TCAIM: variants seen among roughly 807,000 people sequenced by gnomAD.
TCAIM encodes T-cell activation inhibitor, mitochondrial.
A neutral mutation model predicts 58.6 loss-of-function variants in TCAIM; 36 were observed. The observed-to-expected ratio is 0.61, with a 90% CI of 0.47 to 0.81. The LOEUF is 0.81. Ranked by LOEUF, TCAIM falls within the 30% of genes least tolerant of loss-of-function variation. TCAIM has a pLI of 0.00. For missense variants in TCAIM, 466 were observed against 579.6 expected, an observed-to-expected ratio of 0.80 and a Z score of 2.01; for synonymous variants, 172 against 193.6, an observed-to-expected ratio of 0.89 and a Z score of 0.93.
intron 5 of TCAIM, 64 bp from the exon 6 acceptor site, chr3:44,392,791 T>C: frequency 6.7e-7 from 1 of 1,481,976 alleles, no homozygotes; most frequent in Non-Finnish European, 9.1e-7. Context: ...TGCATGTGTC[T>C]TTTAATAGTA....
chr3:44,388,976 A>G (rs749471982), intron 5 of TCAIM, among the ~76,000 whole-genome samples: 2 of 152,252 alleles, frequency 1.3e-5, no homozygotes, highest in African/African-American at 4.8e-5. Context: ...GGCCAGAGCC[A>G]GGAAACATGT....
At chr3:44,348,229 A>T (rs1701010632) in intron 1 of TCAIM, among the ~76,000 whole-genome samples, 1 of 152,182 alleles carries the variant, frequency 6.6e-6, no homozygotes, top group Non-Finnish European at 1.5e-5. Flanking sequence ...GAGTTACCCA[A>T]AGTGTCTGTG....
intron 5 of TCAIM, among the ~76,000 whole-genome samples, chr3:44,378,046 A>G (rs1701593936): frequency 6.6e-6 from 1 of 152,190 alleles, no homozygotes; most frequent in Admixed American, 6.5e-5. Flanking sequence ...CAAACTATAT[A>G]TCTGACAAAG....
At chr3:44,370,735 T>C (rs1200472495) in intron 5 of TCAIM, among the ~76,000 whole-genome samples, 1 of 65,540 alleles carries the variant, frequency 1.5e-5, no homozygotes, top group Non-Finnish European at 3.4e-5. Context: ...TTTTAATTTC[T>C]TTCTTTCTTT....
intron 5 of TCAIM, among the ~76,000 whole-genome samples, chr3:44,368,563 A>G (rs1559569181): frequency 6.6e-6 from 1 of 152,214 alleles, no homozygotes; most frequent in African/African-American, 2.4e-5. Context: ...GTATGTACCT[A>G]CGTGTGATAG....
Position 44,359,999 on chromosome 3 carries a change from T to G in TCAIM, c.166-1366T>G, listed in dbSNP as rs575195589. 5.9e-5 allele frequency among the ~76,000 whole-genome samples: 9 copies of G among 152,318 alleles called. 2 individuals are homozygous for G. The highest frequency in any genetic ancestry group is 5.9e-4 in the Admixed American group (9 of 15,294). On this transcript the variant is annotated intron_variant, in intron 3 of 10. Transcript: ENST00000342649. ...TGCTGCCTCTGTTTAGAGCATCCTT[T>G]TCCCAGATATCCCAGATATGGCTTG...
In TCAIM at chr3:44,407,581, C is replaced by T. The variant is rs374029550; in HGVS notation, c.1390C>T (p.Leu464=). ...KRLLEQSLPY[L]HGMHLCISHF... is the part of the protein sequence containing the mutation. Reference sequence around the variant, plus strand: ...ACTTCTAGAACAATCACTGCCTTACCTACATGGGATGCACCTCTGCATTTC... The same window carrying T: ...ACTTCTAGAACAATCACTGCCTTACTTACATGGGATGCACCTCTGCATTTC... Residue 464 remains leucine (L), a synonymous_variant, in exon 11 of 11, where the codon CTA becomes TTA. Coordinates refer to ENST00000342649, the MANE Select transcript of TCAIM (RefSeq NM_173826.4). The T allele has an allele frequency of 4.3e-6, 7 of 1,613,974 alleles. No homozygotes were observed. The highest frequency in any genetic ancestry group is 5.9e-6 in the Non-Finnish European group (7 of 1,179,948).
Position 44,401,297 on chromosome 3 carries a change from G to A in TCAIM, c.1213G>A (p.Ala405Thr), listed in dbSNP as rs1377732335. The A allele has an allele frequency of 6.2e-7, 1 of 1,613,954 alleles. No homozygotes were observed. The highest frequency in any genetic ancestry group is 1.7e-5 in the Admixed American group (1 of 59,970). ...ANLQWFILTK[A>T]QQARENMKRK... ...TCTCCAGTGGTTTATTCTCACCAAA[G>A]CTCAGCAGGCAAGAGAGAACATGAA... Residue 405 changes from alanine (A) to threonine (T), a missense_variant, in exon 10 of 11, where the codon GCT becomes ACT. Transcript: ENST00000342649.
chr3:44,379,189 A>T (rs1315378381), intron 5 of TCAIM, among the ~76,000 whole-genome samples: 1 of 148,868 alleles, frequency 6.7e-6, no homozygotes, highest in African/African-American at 2.4e-5. Flanking sequence ...CCCTGTCTCA[A>T]AAAAAAAAAA....
intron 4 of TCAIM, among the ~76,000 whole-genome samples, chr3:44,364,702 C>T (rs1267040546): frequency 6.7e-6 from 1 of 150,106 alleles, no homozygotes; most frequent in East Asian, 1.9e-4. Context: ...AGATGGCAGG[C>T]ACCACTGCAC....
rs1323017048 is a variant in TCAIM, at chr3:44,407,805, A to C, written c.*123A>C. 9.2e-7 allele frequency: 1 copy of C among 1,085,296 alleles called. No homozygotes were observed. The highest frequency in any genetic ancestry group is 3.5e-5 in the Admixed American group (1 of 28,398). The allele number at this position is 1,085,296 out of a possible 1,614,324, so 67.2% of individuals were successfully genotyped here. A position where few individuals can be genotyped will look rare whatever the true frequency, so the allele number is the denominator to read the frequency against. ...AACAAAGTTTCTAACTGCTGCTTTAAAAGTAGACTTTTTTAAAAAAATTAA... is the reference window on the plus strand; with the variant it reads ...AACAAAGTTTCTAACTGCTGCTTTACAAGTAGACTTTTTTAAAAAAATTAA... On this transcript the variant is annotated 3_prime_UTR_variant, in exon 11 of 11. Transcript: ENST00000342649.
chr3:44,378,242 A>G (rs531767766), intron 5 of TCAIM, among the ~76,000 whole-genome samples: 1 of 152,100 alleles, frequency 6.6e-6, no homozygotes, highest in African/African-American at 2.4e-5. Context: ...TTAGTTGGGC[A>G]TGGTGGCACA....
At chr3:44,407,149 G>A (rs528579577) in intron 10 of TCAIM, among the ~76,000 whole-genome samples, 1 of 152,268 alleles carries the variant, frequency 6.6e-6, no homozygotes, top group East Asian at 1.9e-4. Flanking sequence ...ACAGCTGCTA[G>A]GTAAGGCAAT....
intron 5 of TCAIM, among the ~76,000 whole-genome samples, chr3:44,378,302 C>A (rs1701598402): frequency 1.3e-5 from 2 of 151,788 alleles, no homozygotes; most frequent in African/African-American, 4.8e-5. Context: ...ATCACTTGAA[C>A]CAAGGAGGTG....
At chr3:44,346,793 G>A (rs948103004) in intron 1 of TCAIM, among the ~76,000 whole-genome samples, 5 of 152,188 alleles carry the variant, frequency 3.3e-5, no homozygotes, top group Non-Finnish European at 1.5e-5. Flanking sequence ...GGACAGAAAG[G>A]CTACAGGGCG....
chr3:44,396,904 G>A, intron 8 of TCAIM, 70 bp downstream of exon 8: 1 of 1,424,120 alleles, frequency 7.0e-7, no homozygotes, highest in Non-Finnish European at 9.7e-7. Flanking sequence ...ATGCTGTAAT[G>A]TTAAGGGACT....
Position 44,396,516 on chromosome 3 carries a change from CT to C in TCAIM, c.793+23del. ...GCAAAAGGTAAACATTTTCCATTTTCTTTTAAAAAATCACTTAGCTGCTATG... is the reference window on the plus strand; with the variant it reads ...GCAAAAGGTAAACATTTTCCATTTTCTTTAAAAAATCACTTAGCTGCTATG... On this transcript the variant is annotated intron_variant, in intron 7 of 10. Coordinates refer to ENST00000342649, the MANE Select transcript of TCAIM (RefSeq NM_173826.4). 6.2e-7 allele frequency: 1 copy of C among 1,601,372 alleles called. No homozygotes were observed.
chr3:44,397,585 G>A (rs1016764635), intron 8 of TCAIM, among the ~76,000 whole-genome samples: 1 of 152,124 alleles, frequency 6.6e-6, no homozygotes, highest in African/African-American at 2.4e-5. Flanking sequence ...AAATAAAGCT[G>A]CTGTGAACAT....
intron 1 of TCAIM, among the ~76,000 whole-genome samples, chr3:44,343,052 G>A (rs550441549): frequency 4.2e-4 from 64 of 152,028 alleles, no homozygotes; most frequent in East Asian, 1.9e-4. Flanking sequence ...CACGAGAATC[G>A]CTTGAACCTG....
Sources: gnomAD v4.1 joint callset for allele counts (sites outside exome capture counted in the v4.1 genomes callset) on GRCh38, gnomAD v4.1.1 for gene constraint, MANE v1.5 for transcripts, NCBI Gene and HGNC (gene_info 2026-07-23, HGNC 2026-07-21) for gene names.